MYO3B: variants seen among roughly 807,000 people sequenced by gnomAD.
MYO3B encodes the protein myosin IIIB.
In MYO3B, 156 loss-of-function variants were observed where a neutral mutation model predicts 174.6. The ratio of observed to expected loss-of-function variants is 0.89; its 90% confidence interval spans 0.78 to 1.02. The LOEUF is 1.02. MYO3B is among the 50% of genes least tolerant of loss of function. MYO3B has a pLI of 0.00. For missense variants in MYO3B, 1,632 were observed against 1,639.4 expected (o/e 1.00, Z 0.08); for synonymous variants, 563 against 569.1 (o/e 0.99, Z 0.15).
chr2:170,430,380 T>TG (rs2094699646), intron 22 of MYO3B, among the ~76,000 whole-genome samples: 1 of 150,728 alleles, frequency 6.6e-6, no homozygotes, highest in African/African-American at 2.4e-5. Context: ...ATAGCTTTTT[T>TG]TTTTTTTTTG....
At chr2:170,536,896 A>G (rs1306561163) in intron 30 of MYO3B, among the ~76,000 whole-genome samples, 1 of 151,804 alleles carries the variant, frequency 6.6e-6, no homozygotes, top group Non-Finnish European at 1.5e-5. Flanking sequence ...TGGGGCCCCT[A>G]CTATTTAAAA....
intron 8 of MYO3B, chr2:170,349,938 T>C (rs901269259): frequency 1.8e-4 from 27 of 151,832 alleles, no homozygotes; most frequent in African/African-American, 6.5e-4. Flanking sequence ...GAATAAGGGG[T>C]GGCAAAAGTG....
intron 32 of MYO3B, among the ~76,000 whole-genome samples, chr2:170,621,431 A>G (rs1695905444): frequency 6.6e-6 from 1 of 152,042 alleles, no homozygotes; most frequent in Admixed American, 6.6e-5. Context: ...CACCTTTCAC[A>G]CATATTTTAA....
At chr2:170,296,729 A>G (rs2105432715) in intron 7 of MYO3B, among the ~76,000 whole-genome samples, 1 of 152,204 alleles carries the variant, frequency 6.6e-6, no homozygotes, top group East Asian at 1.9e-4. Context: ...GAGAGGTTTA[A>G]TTAGCTTGCA....
chr2:170,533,435 G>T (rs1432883078), intron 30 of MYO3B, among the ~76,000 whole-genome samples: 3 of 143,382 alleles, frequency 2.1e-5, no homozygotes, highest in Non-Finnish European at 4.6e-5. Flanking sequence ...TGGGGGGGGG[G>T]TGTGCAGTGG....
intron 32 of MYO3B, among the ~76,000 whole-genome samples, chr2:170,624,340 G>A (rs1295406925): frequency 6.6e-6 from 1 of 152,164 alleles, no homozygotes; most frequent in Non-Finnish European, 1.5e-5. Flanking sequence ...TAGGAATTGT[G>A]AATGGGAGTT....
intron 9 of MYO3B, among the ~76,000 whole-genome samples, chr2:170,372,143 A>AAAAAAC (rs1553475399): frequency 1.5e-4 from 21 of 136,978 alleles, no homozygotes; most frequent in African/African-American, 4.4e-4. Context: ...AAAAAAAAAA[A>AAAAAAC]AACAACAACA....
intron 22 of MYO3B, among the ~76,000 whole-genome samples, chr2:170,423,702 T>A (rs532697847): frequency 6.7e-6 from 1 of 150,228 alleles, no homozygotes; most frequent in Non-Finnish European, 1.5e-5. Context: ...TGCCTCAGCC[T>A]CCTGAGTAGC....
At position 170,236,051 on chromosome 2, in the gene MYO3B, T is replaced by C. The variant is rs773271287; in HGVS notation, c.664T>C (p.Leu222=). The C allele has an allele frequency of 1.2e-6, 2 of 1,614,018 alleles. No homozygotes were observed. Among genetic ancestry groups the C allele is most frequent in the Non-Finnish European group, 1.7e-6 (2 of 1,180,004 alleles). Residue 222 remains leucine, a synonymous_variant, in exon 7 of 35, where the codon TTG becomes CTG. Coordinates refer to ENST00000408978, the MANE Select transcript of MYO3B (RefSeq NM_138995.5). ...TGACGCTCGCTGTGACGTCTGGTCC[T>C]TGGGGATCACAGCTATTGAACTGGG... ...SYDARCDVWS[L]GITAIELGDG... is the part of the protein sequence containing the mutation.
intron 23 of MYO3B, among the ~76,000 whole-genome samples, chr2:170,446,523 C>A (rs1426981799): frequency 6.6e-6 from 1 of 152,072 alleles, no homozygotes; most frequent in Non-Finnish European, 1.5e-5. Context: ...GTGTATGGGT[C>A]TGATGAAAAT....
In MYO3B at chr2:170,532,938, A is replaced by T. The variant is rs78528214; in HGVS notation, c.3576-9968A>T. Among the ~76,000 whole-genome samples the T allele has an allele frequency of 8.6e-3, 1,311 of 152,288 alleles. 30 individuals are homozygous for T. The highest frequency in any genetic ancestry group is 0.03 in the African/African-American group (1,235 of 41,552). On this transcript the variant is annotated intron_variant, in intron 30 of 34. Transcript: ENST00000408978. ...GAGACAGAGAGAGGACAAAGCAAATATGTAAGTCTGCTGAGGAATATATAG... is the reference window on the plus strand; with the variant it reads ...GAGACAGAGAGAGGACAAAGCAAATTTGTAAGTCTGCTGAGGAATATATAG...
intron 7 of MYO3B, among the ~76,000 whole-genome samples, chr2:170,268,346 G>C (rs1163337424): frequency 6.6e-6 from 1 of 152,176 alleles, no homozygotes; most frequent in Non-Finnish European, 1.5e-5. Flanking sequence ...TAGCAAAGGG[G>C]CCAAGGTAGT....
chr2:170,245,807 C>T (rs1317801624), intron 7 of MYO3B, among the ~76,000 whole-genome samples: 1 of 152,274 alleles, frequency 6.6e-6, no homozygotes, highest in East Asian at 1.9e-4. Flanking sequence ...GGTCCTCAGT[C>T]CTTGATATAG....
At position 170,354,592 on chromosome 2, in the gene MYO3B, C is replaced by T. The variant is rs572881542; in HGVS notation, c.816-14630C>T. On this transcript the variant is annotated intron_variant, in intron 8 of 34. Transcript: ENST00000408978. ...GAGTTAGTTCCCTAACAATAGGAGT[C>T]AAAAGTATTCCAAACTGTCTCCCCC... Among the ~76,000 whole-genome samples, 3 of 152,300 alleles carry T rather than the reference C, an allele frequency of 2.0e-5. No homozygotes were observed. The South Asian group carries it at 6.2e-4, about 32-fold the overall frequency.
chr2:170,403,412 G>A (rs1182158443), intron 19 of MYO3B, among the ~76,000 whole-genome samples: 1 of 152,112 alleles, frequency 6.6e-6, no homozygotes, highest in Admixed American at 6.5e-5. Flanking sequence ...CACAGTCACT[G>A]GAGAGGTATC....
intron 8 of MYO3B, among the ~76,000 whole-genome samples, chr2:170,365,921 A>G (rs1253448263): frequency 1.3e-5 from 2 of 152,200 alleles, no homozygotes; most frequent in African/African-American, 4.8e-5. Flanking sequence ...CTTGTCTGTG[A>G]GGAACATCTG....
At chr2:170,570,087 G>C (rs1298316968) in intron 32 of MYO3B, among the ~76,000 whole-genome samples, 1 of 152,134 alleles carries the variant, frequency 6.6e-6, no homozygotes, top group African/African-American at 2.4e-5. Flanking sequence ...TCAGACACTG[G>C]TGTGATTCTG....
chr2:170,336,948 A>G (rs995505763), intron 8 of MYO3B, among the ~76,000 whole-genome samples: 2 of 151,694 alleles, frequency 1.3e-5, no homozygotes, highest in African/African-American at 4.8e-5. Context: ...CCCTGCTAAG[A>G]AAGACTGTGT....
intron 22 of MYO3B, among the ~76,000 whole-genome samples, chr2:170,416,517 C>T (rs1424194181): frequency 1.3e-4 from 17 of 135,880 alleles, no homozygotes; most frequent in East Asian, 1.2e-3. Flanking sequence ...AGCGAGACTC[C>T]GTCTCAAAAA....
Sources: gnomAD v4.1 joint callset for allele counts (sites outside exome capture counted in the v4.1 genomes callset) on GRCh38, gnomAD v4.1.1 for gene constraint, MANE v1.5 for transcripts, NCBI Gene and HGNC (gene_info 2026-07-23, HGNC 2026-07-21) for gene names.